Variants in SDC2 observed in about 807,000 individuals in gnomAD.
SDC2 encodes syndecan 2, also known as syndecan-2.
A neutral mutation model predicts 22.2 loss-of-function variants in SDC2; 13 were observed. That is an observed-to-expected ratio of 0.59 (90% CI 0.38 to 0.93). SDC2 has a LOEUF of 0.93. SDC2 is among the 40% of genes least tolerant of loss of function. The pLI is 0.00. For synonymous variants in SDC2, 94 were observed against 92.8 expected (o/e 1.01, Z -0.07); for missense variants, 235 against 246.8 (o/e 0.95, Z 0.32).
At chr8:96,510,285 A>G (rs1813308456) in intron 1 of SDC2, among the ~76,000 whole-genome samples, 2 of 152,196 alleles carry the variant, frequency 1.3e-5, no homozygotes, top group South Asian at 4.1e-4. Flanking sequence ...ACTTAAGTTC[A>G]GCAATTTGGA....
chr8:96,572,024 G>A (rs16894763), intron 1 of SDC2, among the ~76,000 whole-genome samples: 1 of 152,060 alleles, frequency 6.6e-6, no homozygotes, highest in African/African-American at 2.4e-5. Flanking sequence ...ATTGGGGTTT[G>A]TTTATCCTTC....
intron 1 of SDC2, among the ~76,000 whole-genome samples, chr8:96,580,861 G>A (rs1039177817): frequency 6.6e-6 from 1 of 152,204 alleles, no homozygotes; most frequent in Non-Finnish European, 1.5e-5. Context: ...ATCCTAGAGA[G>A]TATGGGGATT....
chr8:96,503,315 A>G (rs1813193280), intron 1 of SDC2, among the ~76,000 whole-genome samples: 1 of 152,276 alleles, frequency 6.6e-6, no homozygotes, highest in Non-Finnish European at 1.5e-5. Context: ...ATAATAGAGT[A>G]ATTGTTAAAT....
chr8:96,501,323 T>TTTG (rs1813161513), intron 1 of SDC2, among the ~76,000 whole-genome samples: 1 of 143,140 alleles, frequency 7.0e-6, no homozygotes, highest in Non-Finnish European at 1.5e-5. Context: ...TTTTTTTTTT[T>TTTG]TGAGACAGAG....
At chr8:96,602,561 A>T (rs1310161548) in intron 3 of SDC2, 33 bp downstream of exon 3, 5 of 1,610,608 alleles carry the variant, frequency 3.1e-6, no homozygotes, top group Non-Finnish European at 4.2e-6. Context: ...TTGCATTATC[A>T]GGTTATTACA....
chr8:96,584,659 CTCTAG>C, intron 1 of SDC2, among the ~76,000 whole-genome samples: 1 of 152,310 alleles, frequency 6.6e-6, no homozygotes, highest in South Asian at 2.1e-4. Context: ...TCTGTTTTTA[CTCTAG>C]TCTAAACTGT....
chr8:96,542,449 A>G (rs1418063444), intron 1 of SDC2, among the ~76,000 whole-genome samples: 2 of 152,226 alleles, frequency 1.3e-5, no homozygotes, highest in Non-Finnish European at 2.9e-5. Context: ...GACATGGCTA[A>G]TGCCTATTTA....
chr8:96,581,828 G>GA (rs1220001036), intron 1 of SDC2, among the ~76,000 whole-genome samples: 1 of 151,440 alleles, frequency 6.6e-6, no homozygotes, highest in Non-Finnish European at 1.5e-5. Context: ...TGTCATTGGT[G>GA]AAAAAAAAAT....
intron 1 of SDC2, among the ~76,000 whole-genome samples, chr8:96,547,963 T>C (rs1040597174): frequency 6.6e-6 from 1 of 152,108 alleles, no homozygotes; most frequent in Non-Finnish European, 1.5e-5. Context: ...GGTTTTGCTA[T>C]GTTGCCCAGG....
At chr8:96,500,536 C>T (rs1410180838) in intron 1 of SDC2, among the ~76,000 whole-genome samples, 2 of 151,596 alleles carry the variant, frequency 1.3e-5, no homozygotes, top group African/African-American at 2.4e-5. Flanking sequence ...GTGATGGGCA[C>T]CTATAATCCC....
intron 1 of SDC2, among the ~76,000 whole-genome samples, chr8:96,546,596 G>T (rs1007182273): frequency 6.6e-6 from 1 of 152,082 alleles, no homozygotes; most frequent in African/African-American, 2.4e-5. Context: ...GGGGAATAGG[G>T]GATTGAGAAG....
intron 1 of SDC2, among the ~76,000 whole-genome samples, chr8:96,564,739 C>T (rs1271988663): frequency 6.6e-6 from 1 of 152,096 alleles, no homozygotes. Context: ...CCTCAAGATT[C>T]CAGGTTTTTT....
chr8:96,601,916 G>T (rs957786931), intron 2 of SDC2, among the ~76,000 whole-genome samples: 1 of 150,206 alleles, frequency 6.7e-6, no homozygotes, highest in East Asian at 2.0e-4. Context: ...GCGCCGCCAC[G>T]CCCAGCTAAA....
At chr8:96,505,259 T>G (rs1439780448) in intron 1 of SDC2, among the ~76,000 whole-genome samples, 1 of 152,194 alleles carries the variant, frequency 6.6e-6, no homozygotes, top group Non-Finnish European at 1.5e-5. Context: ...GGATTATAAT[T>G]AAAATACTTA....
chr8:96,597,111 C>T (rs959651610), intron 2 of SDC2, among the ~76,000 whole-genome samples: 3 of 152,070 alleles, frequency 2.0e-5, no homozygotes, highest in Non-Finnish European at 2.9e-5. Context: ...AAACAGAACC[C>T]GGGGGTATTT....
chr8:96,590,555 C>A (rs1814763647), intron 1 of SDC2, among the ~76,000 whole-genome samples: 1 of 152,200 alleles, frequency 6.6e-6, no homozygotes, highest in East Asian at 1.9e-4. Context: ...CCGTCCTAGG[C>A]ATGTTCATTC....
chr8:96,586,163 T>C (rs766186705), intron 1 of SDC2, among the ~76,000 whole-genome samples: 66 of 152,226 alleles, frequency 4.3e-4, no homozygotes, highest in Non-Finnish European at 6.6e-4. Flanking sequence ...CACATTTACC[T>C]TTTCTGGCAG....
At chr8:96,550,083 A>T (rs1393449093) in intron 1 of SDC2, among the ~76,000 whole-genome samples, 4 of 152,220 alleles carry the variant, frequency 2.6e-5, no homozygotes, top group African/African-American at 4.8e-5. Context: ...ATGGGAGCTC[A>T]AAATTTTTTC....
At chr8:96,563,988 A>G (rs1814253847) in intron 1 of SDC2, among the ~76,000 whole-genome samples, 2 of 152,322 alleles carry the variant, frequency 1.3e-5, no homozygotes, top group East Asian at 3.9e-4. Flanking sequence ...TCAGCTGCCA[A>G]TTAACAAACT....
Sources: allele counts gnomAD v4.1 joint callset (sites outside exome capture counted in the v4.1 genomes callset), GRCh38; gene constraint gnomAD v4.1.1; transcripts MANE v1.5; gene names NCBI Gene and HGNC (gene_info 2026-07-23, HGNC 2026-07-21).